Variants in MAF observed in about 807,000 individuals in gnomAD.
MAF encodes MAF bZIP transcription factor.
In MAF, 10 loss-of-function variants were observed where a neutral mutation model predicts 22.0. The ratio of observed to expected loss-of-function variants is 0.45; its 90% CI spans 0.28 to 0.77. MAF has a LOEUF of 0.77. MAF is among the 30% of genes least tolerant of loss of function. MAF has a pLI of 0.12. For synonymous variants in MAF, 337 were observed against 255.8 expected, an observed-to-expected ratio of 1.32 and a Z score of -3.03; for missense variants, 544 against 548.4, an observed-to-expected ratio of 0.99 and a Z score of 0.08.
the MAF span, among the ~76,000 whole-genome samples, chr16:79,545,755 G>C: frequency 3.3e-5 from 5 of 152,102 alleles, no homozygotes. Flanking sequence ...GGGATGGGGA[G>C]TGGGGGAGAT....
the MAF span, among the ~76,000 whole-genome samples, chr16:79,445,185 C>T: frequency 6.7e-6 from 1 of 149,734 alleles, no homozygotes; most frequent in Non-Finnish European, 1.5e-5. Flanking sequence ...AGGCACCTGC[C>T]ACCATACCCG....
the MAF span, among the ~76,000 whole-genome samples, chr16:79,523,281 T>C: frequency 6.6e-6 from 1 of 152,214 alleles, no homozygotes; most frequent in Non-Finnish European, 1.5e-5. Flanking sequence ...TATCCTTCTG[T>C]AACTAATTCT....
chr16:79,533,476 A>G, the MAF span, among the ~76,000 whole-genome samples: 6 of 152,288 alleles, frequency 3.9e-5, no homozygotes, highest in African/African-American at 1.4e-4. Flanking sequence ...ATTCACAACC[A>G]CTGGAATCTT....
At chr16:79,481,315 TGGGCTCTAA>T in the MAF span, among the ~76,000 whole-genome samples, 1 of 152,070 alleles carries the variant, frequency 6.6e-6, no homozygotes, top group Admixed American at 6.6e-5. Context: ...AGAAGTTTAA[TGGGCTCTAA>T]GTTATTTATA....
the MAF span, among the ~76,000 whole-genome samples, chr16:79,232,101 G>A: frequency 6.6e-6 from 1 of 152,042 alleles, no homozygotes; most frequent in Non-Finnish European, 1.5e-5. Flanking sequence ...TGCAATTACA[G>A]ATGAAGTTTT....
chr16:79,228,581 C>A, the MAF span, among the ~76,000 whole-genome samples: 1 of 152,208 alleles, frequency 6.6e-6, no homozygotes, highest in South Asian at 2.1e-4. Flanking sequence ...GCCGGTGTTT[C>A]CTCACTGGCT....
chr16:79,571,772 C>T, the MAF span, among the ~76,000 whole-genome samples: 88 of 152,166 alleles, frequency 5.8e-4, no homozygotes, highest in African/African-American at 2.1e-3. Flanking sequence ...TCTAGATTCA[C>T]GAAGGAGCTC....
At chr16:79,541,787 C>G in the MAF span, among the ~76,000 whole-genome samples, 2 of 151,070 alleles carry the variant, frequency 1.3e-5, no homozygotes, top group Non-Finnish European at 2.9e-5. Flanking sequence ...TCTTCAGTAG[C>G]TGGGATTAAA....
chr16:79,285,557 C>T, the MAF span, among the ~76,000 whole-genome samples: 8 of 152,156 alleles, frequency 5.3e-5, no homozygotes, highest in African/African-American at 9.7e-5. Flanking sequence ...TCTCTAGAAC[C>T]GCTGACTCTG....
the MAF span, among the ~76,000 whole-genome samples, chr16:79,286,898 A>G: frequency 6.6e-6 from 1 of 152,206 alleles, no homozygotes; most frequent in South Asian, 2.1e-4. Flanking sequence ...ACACAAACGT[A>G]TCGACGAGTT....
At chr16:79,482,791 T>C in the MAF span, among the ~76,000 whole-genome samples, 30 of 151,432 alleles carry the variant, frequency 2.0e-4, 2 homozygotes, top group Admixed American at 1.8e-3. Context: ...ATCTGGCAGC[T>C]TCTTGCAGCA....
the MAF span, among the ~76,000 whole-genome samples, chr16:79,435,480 G>C: frequency 6.6e-6 from 1 of 152,192 alleles, no homozygotes; most frequent in African/African-American, 2.4e-5. Context: ...CATTGAGCTT[G>C]TACTATGTCC....
At chr16:79,279,166 G>A in the MAF span, among the ~76,000 whole-genome samples, 7 of 152,088 alleles carry the variant, frequency 4.6e-5, no homozygotes, top group Non-Finnish European at 8.8e-5. Context: ...CTAAGGTCAC[G>A]CACATAGGAA....
the MAF span, among the ~76,000 whole-genome samples, chr16:79,248,049 T>A: frequency 6.6e-6 from 1 of 152,202 alleles, no homozygotes; most frequent in Non-Finnish European, 1.5e-5. Flanking sequence ...ACAGTCTTTT[T>A]ATTTGTCCTT....
At chr16:79,227,871 CA>C in the MAF span, among the ~76,000 whole-genome samples, 12 of 152,060 alleles carry the variant, frequency 7.9e-5, no homozygotes, top group African/African-American at 2.9e-4. Flanking sequence ...GGGTGTAGAC[CA>C]CAACTTCTTT....
chr16:79,266,192 G>T, the MAF span, among the ~76,000 whole-genome samples: 8 of 152,114 alleles, frequency 5.3e-5, no homozygotes, highest in Admixed American at 5.2e-4. Context: ...TGTCTTGAGG[G>T]ACAGAGCCAA....
the MAF span, among the ~76,000 whole-genome samples, chr16:79,457,444 G>A: frequency 2.7e-5 from 4 of 147,312 alleles, no homozygotes; most frequent in African/African-American, 1.0e-4. Context: ...TACAAGGAAT[G>A]AAACGACTAA....
At chr16:79,336,546 C>G in the MAF span, among the ~76,000 whole-genome samples, 20 of 152,178 alleles carry the variant, frequency 1.3e-4, no homozygotes, top group Admixed American at 1.3e-3. Context: ...CTTCATTGTC[C>G]TATTTTCTTC....
At chr16:79,226,393 G>C in the MAF span, among the ~76,000 whole-genome samples, 2 of 152,100 alleles carry the variant, frequency 1.3e-5, no homozygotes, top group Non-Finnish European at 1.5e-5. Context: ...TGGGGTGTTA[G>C]GGGAGGGATA....
Sources: gnomAD v4.1 joint callset for allele counts (sites outside exome capture counted in the v4.1 genomes callset) on GRCh38, gnomAD v4.1.1 for gene constraint, MANE v1.5 for transcripts, NCBI Gene and HGNC (gene_info 2026-07-23, HGNC 2026-07-21) for gene names.